The following GRIA1 variants were observed in gnomAD, a reference collection of about 807,000 sequenced individuals.
GRIA1 encodes glutamate ionotropic receptor AMPA type subunit 1.
In GRIA1, 31 loss-of-function variants were observed where a neutral mutation model predicts 99.2. The ratio of observed to expected loss-of-function variants is 0.31; its 90% CI spans 0.23 to 0.42. The LOEUF (loss-of-function observed/expected upper bound fraction) is 0.42. Ranked by LOEUF, GRIA1 falls within the 10% of genes least tolerant of loss-of-function variation. The probability of loss-of-function intolerance (pLI) is 1.00; values close to 1 mark genes in which losing one functional copy is unlikely to be tolerated. For missense variants in GRIA1, 782 were observed against 1,157.5 expected (o/e 0.68, Z 4.71); for synonymous variants, 438 against 432.4 (o/e 1.01, Z -0.16).
rs146010333 is a variant in GRIA1 at position 153,548,408 on chromosome 5, G to A, written c.220+54343G>A. On this transcript the variant is annotated intron_variant, in intron 2 of 15. Coordinates refer to ENST00000285900, the MANE Select transcript of GRIA1 (RefSeq NM_000827.4). Reference sequence around the variant, plus strand: ...CTTCATCATTTGGGGTCTGCAAGGCGAATGGTGTTGTACCATTGTATTCAC... The same window carrying A: ...CTTCATCATTTGGGGTCTGCAAGGCAAATGGTGTTGTACCATTGTATTCAC... Among the ~76,000 whole-genome samples, 644 of 152,248 alleles carry A rather than the reference G, an allele frequency of 4.2e-3. 5 individuals are homozygous for A. The highest frequency in any genetic ancestry group is 0.015 in the African/African-American group (612 of 41,552).
At chr5:153,567,053 G>T (rs1270233112) in intron 2 of GRIA1, among the ~76,000 whole-genome samples, 1 of 152,058 alleles carries the variant, frequency 6.6e-6, no homozygotes, top group Non-Finnish European at 1.5e-5. Flanking sequence ...TTACCTATTA[G>T]CCTTCTTTAT....
intron 13 of GRIA1, among the ~76,000 whole-genome samples, chr5:153,775,348 C>A (rs1283408944): frequency 1.3e-5 from 2 of 152,186 alleles, no homozygotes; most frequent in African/African-American, 4.8e-5. Context: ...AAGAGTTAGA[C>A]CCTAATCAGG....
intron 14 of GRIA1, among the ~76,000 whole-genome samples, chr5:153,795,069 G>A (rs1038093333): frequency 6.6e-6 from 1 of 152,094 alleles, no homozygotes. Flanking sequence ...TGTGCTACAG[G>A]GTGCCCTTTT....
In GRIA1 at chr5:153,619,817, A is replaced by G. The variant is rs138358078; in HGVS notation, c.221-27111A>G. On this transcript the variant is annotated intron_variant, in intron 2 of 15. Transcript: ENST00000285900. The stretch of plus-strand genomic sequence containing the variant: ...AGGTCAGGGAAAACATGGCAAGAAC[A>G]CTAAACTTAAAGAGTCAGGAAATGG... 5.6e-3 allele frequency among the ~76,000 whole-genome samples: 854 copies of G among 152,302 alleles called. 9 individuals are homozygous for G. Among genetic ancestry groups the G allele is most frequent in the African/African-American group, 0.019 (783 of 41,568 alleles).
intron 13 of GRIA1, among the ~76,000 whole-genome samples, chr5:153,772,230 G>T (rs1460574432): frequency 2.0e-5 from 3 of 151,048 alleles, no homozygotes; most frequent in Non-Finnish European, 4.4e-5. Flanking sequence ...GGATGAGTGG[G>T]GTATGGCTGG....
At chr5:153,552,763 C>T (rs1228042084) in intron 2 of GRIA1, among the ~76,000 whole-genome samples, 1 of 152,174 alleles carries the variant, frequency 6.6e-6, no homozygotes, top group Non-Finnish European at 1.5e-5. Context: ...GCATTTCTTA[C>T]AAGCCAATGC....
chr5:153,683,960 A>G (rs924478089), intron 7 of GRIA1, among the ~76,000 whole-genome samples: 3 of 150,896 alleles, frequency 2.0e-5, no homozygotes, highest in Admixed American at 6.6e-5. Context: ...GGTAGAAAAC[A>G]CTACATTGCA....
chr5:153,772,921 A>G (rs1763975774), intron 13 of GRIA1, among the ~76,000 whole-genome samples: 1 of 152,234 alleles, frequency 6.6e-6, no homozygotes, highest in African/African-American at 2.4e-5. Flanking sequence ...GCACAGACAC[A>G]TAACATAATT....
At chr5:153,726,347 A>G (rs1403697015) in intron 11 of GRIA1, among the ~76,000 whole-genome samples, 1 of 148,400 alleles carries the variant, frequency 6.7e-6, no homozygotes, top group East Asian at 2.0e-4. Flanking sequence ...AAGCAAGAGC[A>G]AACACATTGA....
intron 8 of GRIA1, among the ~76,000 whole-genome samples, chr5:153,691,495 C>A (rs1345607221): frequency 6.6e-6 from 1 of 152,190 alleles, no homozygotes; most frequent in Non-Finnish European, 1.5e-5. Context: ...ATTATCCCCA[C>A]TTCTGACCCT....
At position 153,676,651 on chromosome 5, in the gene GRIA1, C is replaced by A. The variant is rs566311666; in HGVS notation, c.862-343C>A. Among the ~76,000 whole-genome samples the A allele has an allele frequency of 2.6e-5, 4 of 152,248 alleles. No individual in the cohort carries two copies. In the East Asian group the frequency reaches 7.7e-4, roughly 29 times the overall value. The stretch of plus-strand genomic sequence containing the variant: ...GCAGATGTGTTATATGTAATCTATG[C>A]ATTTTTTCCCAAATGAACCAACATT... On this transcript the variant is annotated intron_variant, in intron 6 of 15. Transcript: ENST00000285900.
intron 14 of GRIA1, among the ~76,000 whole-genome samples, chr5:153,801,952 C>CG (rs11348503): frequency 0.29 from 22,765 of 78,928 alleles, 2,363 homozygotes; most frequent in East Asian, 0.55. Context: ...GAAATTGGGG[C>CG]GGGGGGGGGC....
chr5:153,696,926 C>T (rs1490496389), intron 8 of GRIA1, among the ~76,000 whole-genome samples: 1 of 151,730 alleles, frequency 6.6e-6, no homozygotes, highest in Non-Finnish European at 1.5e-5. Flanking sequence ...TCAATGATCC[C>T]CTGTTGCCTT....
At chr5:153,790,806 T>A (rs979307130) in intron 13 of GRIA1, among the ~76,000 whole-genome samples, 1 of 152,154 alleles carries the variant, frequency 6.6e-6, no homozygotes, top group Non-Finnish European at 1.5e-5. Context: ...TTTATTTTTT[T>A]CTCATCCGTG....
intron 2 of GRIA1, among the ~76,000 whole-genome samples, chr5:153,544,964 T>G (rs1252685384): frequency 6.6e-6 from 1 of 152,196 alleles, no homozygotes; most frequent in African/African-American, 2.4e-5. Flanking sequence ...CTCTGCAACT[T>G]GGGAAAGCTT....
chr5:153,735,079 C>G (rs1761292143), intron 11 of GRIA1, among the ~76,000 whole-genome samples: 1 of 152,112 alleles, frequency 6.6e-6, no homozygotes, highest in South Asian at 2.1e-4. Context: ...ATATACATGA[C>G]AGGTCCCCAC....
chr5:153,778,135 G>T (rs1482073356), intron 13 of GRIA1, among the ~76,000 whole-genome samples: 1 of 151,906 alleles, frequency 6.6e-6, no homozygotes, highest in Non-Finnish European at 1.5e-5. Flanking sequence ...AGTGAGGGAG[G>T]TTGGGAGGGA....
intron 11 of GRIA1, among the ~76,000 whole-genome samples, chr5:153,708,963 G>C (rs1759115211): frequency 1.3e-5 from 2 of 152,178 alleles, no homozygotes; most frequent in Non-Finnish European, 2.9e-5. Flanking sequence ...CAGAGTTTAG[G>C]AGCCTGTAAA....
intron 11 of GRIA1, among the ~76,000 whole-genome samples, chr5:153,713,283 C>T (rs1184267378): frequency 6.6e-6 from 1 of 152,208 alleles, no homozygotes; most frequent in Non-Finnish European, 1.5e-5. Flanking sequence ...AGGGTTTCAC[C>T]AGCATATTTC....
Sources: allele counts gnomAD v4.1 joint callset (sites outside exome capture counted in the v4.1 genomes callset), GRCh38; gene constraint gnomAD v4.1.1; transcripts MANE v1.5; gene names NCBI Gene and HGNC (gene_info 2026-07-23, HGNC 2026-07-21).